Variants in MARCHF1 observed in about 807,000 individuals in gnomAD.
MARCHF1 encodes the protein E3 ubiquitin-protein ligase MARCHF1.
MARCHF1 carries 40 observed loss-of-function variants against 54.2 expected under a neutral mutation model. The ratio of observed to expected loss-of-function variants is 0.74; its 90% CI spans 0.57 to 0.96. The LOEUF (loss-of-function observed/expected upper bound fraction) is 0.96. MARCHF1 is among the 40% of genes least tolerant of loss of function. MARCHF1 has a pLI of 0.00. For synonymous variants in MARCHF1, 236 were observed against 236.3 expected (o/e 1.00, Z 0.01); for missense variants, 586 against 656.5 (o/e 0.89, Z 1.17).
At chr4:163,684,605 T>G (rs1425576675) in intron 5 of MARCHF1, among the ~76,000 whole-genome samples, 4 of 152,360 alleles carry the variant, frequency 2.6e-5, no homozygotes, top group Admixed American at 2.6e-4. Flanking sequence ...TTTTAAATCA[T>G]GAAATGACCA....
At chr4:163,631,497 C>T (rs1742080336) in intron 5 of MARCHF1, among the ~76,000 whole-genome samples, 1 of 152,156 alleles carries the variant, frequency 6.6e-6, no homozygotes, top group South Asian at 2.1e-4. Context: ...CAGGCCAAGA[C>T]ATTCTTATAA....
chr4:163,539,210 A>G (rs1040394369), intron 9 of MARCHF1, among the ~76,000 whole-genome samples: 1 of 151,986 alleles, frequency 6.6e-6, no homozygotes, highest in African/African-American at 2.4e-5. Flanking sequence ...TAGTAGAGAC[A>G]GAGTTTCACC....
intron 1 of MARCHF1, among the ~76,000 whole-genome samples, chr4:164,141,487 T>C (rs1243762313): frequency 6.6e-6 from 1 of 152,224 alleles, no homozygotes; most frequent in Admixed American, 6.5e-5. Context: ...CCATACCAAA[T>C]CAGGCTCCTA....
intron 2 of MARCHF1, among the ~76,000 whole-genome samples, chr4:164,062,036 C>T (rs998126316): frequency 6.6e-6 from 1 of 152,168 alleles, no homozygotes; most frequent in Non-Finnish European, 1.5e-5. Flanking sequence ...TCTGATCAAA[C>T]CTCTTAAGCC....
chr4:163,903,550 T>G (rs568440199), intron 3 of MARCHF1, among the ~76,000 whole-genome samples: 1 of 152,174 alleles, frequency 6.6e-6, no homozygotes, highest in African/African-American at 2.4e-5. Context: ...GAATAACAAA[T>G]GTTTAATCTA....
intron 1 of MARCHF1, among the ~76,000 whole-genome samples, chr4:164,228,844 G>A (rs1470310644): frequency 6.6e-6 from 1 of 152,110 alleles, no homozygotes; most frequent in Non-Finnish European, 1.5e-5. Flanking sequence ...CTTAATAGAG[G>A]GAGGAGAGGA....
intron 4 of MARCHF1, among the ~76,000 whole-genome samples, chr4:163,759,682 C>G (rs960141413): frequency 6.6e-6 from 1 of 152,154 alleles, no homozygotes; most frequent in African/African-American, 2.4e-5. Flanking sequence ...ATATAAGTTA[C>G]TGTTGCACAT....
intron 4 of MARCHF1, among the ~76,000 whole-genome samples, chr4:163,783,684 T>C (rs757520899): frequency 1.3e-5 from 2 of 152,240 alleles, no homozygotes; most frequent in Non-Finnish European, 2.9e-5. Flanking sequence ...TGTGTGACAA[T>C]TGCCTCTCCT....
chr4:163,624,276 T>C (rs1324674760), intron 5 of MARCHF1, among the ~76,000 whole-genome samples: 1 of 152,094 alleles, frequency 6.6e-6, no homozygotes, highest in Non-Finnish European at 1.5e-5. Context: ...AGAGGTGTTA[T>C]TCCCAGGCAA....
chr4:163,839,015 A>T (rs1384277698), intron 4 of MARCHF1, among the ~76,000 whole-genome samples: 2 of 152,108 alleles, frequency 1.3e-5, no homozygotes, highest in Non-Finnish European at 2.9e-5. Flanking sequence ...CTAATAGGGG[A>T]CTTGTATGCA....
chr4:163,783,460 G>C (rs571493133), intron 4 of MARCHF1, among the ~76,000 whole-genome samples: 1 of 152,296 alleles, frequency 6.6e-6, no homozygotes, highest in East Asian at 1.9e-4. Flanking sequence ...GATCTCATAA[G>C]GGAGCTGGAG....
chr4:163,946,625 T>C (rs540948460), intron 3 of MARCHF1, among the ~76,000 whole-genome samples: 72 of 152,248 alleles, frequency 4.7e-4, no homozygotes, highest in South Asian at 2.1e-3. Context: ...CCCAAACAGA[T>C]TGGTAGACAA....
At chr4:163,956,303 T>C (rs1579420342) in intron 3 of MARCHF1, among the ~76,000 whole-genome samples, 2 of 152,168 alleles carry the variant, frequency 1.3e-5, no homozygotes, top group South Asian at 2.1e-4. Context: ...ATGTCTAACA[T>C]ATAGTAAGTG....
intron 5 of MARCHF1, among the ~76,000 whole-genome samples, chr4:163,655,728 A>T (rs1425506567): frequency 6.6e-6 from 1 of 152,040 alleles, no homozygotes; most frequent in Non-Finnish European, 1.5e-5. Context: ...AGTGCAATCA[A>T]ATTAGAACTC....
At chr4:164,327,312 A>T (rs151243407) in intron 1 of MARCHF1, among the ~76,000 whole-genome samples, 174 of 152,334 alleles carry the variant, frequency 1.1e-3, no homozygotes, top group Non-Finnish European at 2.2e-3. Context: ...ACCCAATTCT[A>T]GATATGACTG....
chr4:163,924,653 G>A (rs1751500100), intron 3 of MARCHF1, among the ~76,000 whole-genome samples: 1 of 151,910 alleles, frequency 6.6e-6, no homozygotes, highest in African/African-American at 2.4e-5. Flanking sequence ...ACAATAGTAT[G>A]AGGTGGGTGT....
chr4:163,904,898 T>C, intron 3 of MARCHF1, among the ~76,000 whole-genome samples: 1 of 152,146 alleles, frequency 6.6e-6, no homozygotes, highest in Non-Finnish European at 1.5e-5. Flanking sequence ...TTACATTACA[T>C]CTGATTCTAA....
At chr4:164,344,241 G>A (rs1221341169) in intron 1 of MARCHF1, among the ~76,000 whole-genome samples, 1 of 152,154 alleles carries the variant, frequency 6.6e-6, no homozygotes, top group Admixed American at 6.5e-5. Context: ...AGGGAAGGAG[G>A]AGGGAGAAGA....
At chr4:164,196,227 C>T (rs1245573818) in intron 1 of MARCHF1, among the ~76,000 whole-genome samples, 1 of 152,084 alleles carries the variant, frequency 6.6e-6, no homozygotes, top group Non-Finnish European at 1.5e-5. Flanking sequence ...GATGCACAGT[C>T]TCTAAGGTAC....
Sources: allele counts gnomAD v4.1 joint callset (sites outside exome capture counted in the v4.1 genomes callset), GRCh38; gene constraint gnomAD v4.1.1; transcripts MANE v1.5; gene names NCBI Gene and HGNC (gene_info 2026-07-23, HGNC 2026-07-21).